ENTPD3: variants seen among roughly 807,000 people sequenced by gnomAD.
The protein encoded by ENTPD3 is ectonucleoside triphosphate diphosphohydrolase 3.
A neutral mutation model predicts 51.2 loss-of-function variants in ENTPD3; 60 were observed. The observed-to-expected ratio is 1.17, with a 90% CI of 0.95 to 1.45. The LOEUF (loss-of-function observed/expected upper bound fraction) is 1.45. Among genes scored for constraint, ENTPD3 ranks in the 40% most tolerant of loss-of-function variants. ENTPD3 has a pLI of 0.00. For missense variants in ENTPD3, 593 were observed against 641.1 expected (o/e 0.93, Z 0.81); for synonymous variants, 221 against 238.4 (o/e 0.93, Z 0.67).
Position 40,423,291 on chromosome 3 carries a change from G to A in ENTPD3, c.1105G>A (p.Ala369Thr). 6.2e-7 allele frequency: 1 copy of A among 1,611,918 alleles called. No individual in the cohort carries two copies. The highest frequency in any genetic ancestry group is 8.5e-7 in the Non-Finnish European group (1 of 1,178,510). Residue 369 changes from alanine to threonine, a missense_variant and splice_region_variant, in exon 9 of 11, where the codon GCT (alanine) becomes ACT (threonine). Coordinates refer to ENST00000301825, the MANE Select transcript of ENTPD3 (RefSeq NM_001248.4). ...YQPKIKGPFV[A>T]FAGFYYTASA... ...TTTCTTCTGTATTACTTATTTCCAG[G>A]CTTTTGCAGGATTCTACTACACAGC...
chr3:40,408,098 T>C (rs1422919706), intron 4 of ENTPD3, among the ~76,000 whole-genome samples: 2 of 152,058 alleles, frequency 1.3e-5, no homozygotes, highest in East Asian at 3.9e-4. Flanking sequence ...AATAAATAAA[T>C]GGCAAGATAA....
intron 4 of ENTPD3, among the ~76,000 whole-genome samples, chr3:40,408,705 T>C (rs1282131079): frequency 2.6e-5 from 4 of 152,294 alleles, no homozygotes; most frequent in Non-Finnish European, 5.9e-5. Flanking sequence ...CAAAATAATA[T>C]ATTTTCATTG....
intron 4 of ENTPD3, among the ~76,000 whole-genome samples, chr3:40,408,546 T>C (rs914149892): frequency 5.9e-5 from 9 of 152,256 alleles, no homozygotes; most frequent in Non-Finnish European, 1.2e-4. Context: ...ATGTTCAGCA[T>C]AGTTTTGTTG....
chr3:40,402,123 C>CTTTTTTT (rs58000344), intron 4 of ENTPD3, among the ~76,000 whole-genome samples: 47,531 of 94,722 alleles, frequency 0.5, 15,996 homozygotes, highest in Non-Finnish European at 0.62. Context: ...TTTTTTTTTT[C>CTTTTTTT]TTTTTTTTTT....
chr3:40,409,833 A>T (rs1482827047), intron 4 of ENTPD3, among the ~76,000 whole-genome samples: 2 of 152,188 alleles, frequency 1.3e-5, no homozygotes, highest in African/African-American at 4.8e-5. Context: ...AAGAATATTT[A>T]TATACTGCTA....
In ENTPD3 at chr3:40,392,165, A is replaced by C; in HGVS notation, c.168+15A>C. On this transcript the variant is annotated intron_variant, in intron 3 of 10. Coordinates refer to ENST00000301825, the MANE Select transcript of ENTPD3 (RefSeq NM_001248.4). ...CAGGACTGAAGGTAAGTGTGAAGGG[A>C]CTGGCAACAAAGGGAAGAAATGAGC... 1 of 1,612,520 alleles carries C rather than the reference A, an allele frequency of 6.2e-7. No individual in the cohort carries two copies. The highest frequency in any genetic ancestry group is 8.5e-7 in the Non-Finnish European group (1 of 1,179,034).
intron 2 of ENTPD3, among the ~76,000 whole-genome samples, chr3:40,388,755 G>A (rs1486700327): frequency 2.0e-5 from 3 of 152,196 alleles, no homozygotes; most frequent in Non-Finnish European, 4.4e-5. Flanking sequence ...CCTAATGACA[G>A]CACAGCTCTA....
intron 4 of ENTPD3, among the ~76,000 whole-genome samples, chr3:40,401,500 T>C (rs962491712): frequency 6.6e-6 from 1 of 152,230 alleles, no homozygotes; most frequent in African/African-American, 2.4e-5. Context: ...GAAGCATTTA[T>C]AATGGGCAGT....
Position 40,415,903 on chromosome 3 carries a change from G to T in ENTPD3, c.661G>T (p.Gly221Cys), listed in dbSNP as rs988144742. The T allele has an allele frequency of 6.2e-7, 1 of 1,614,144 alleles. No homozygotes were observed. The highest frequency in any genetic ancestry group is 1.3e-5 in the African/African-American group (1 of 75,050). The change falls in exon 7 of 11, where the codon GGT becomes TGT. Residue 221 changes from glycine (G) to cysteine (C), a missense_variant. By Grantham distance (159) the Gly-to-Cys change is radical. Coordinates refer to ENST00000301825, the MANE Select transcript of ENTPD3 (RefSeq NM_001248.4). ...GVETTGALDL[G>C]GASTQISFVA... is the part of the protein sequence containing the mutation. ...GGAAACCACGGGTGCCCTGGACTTAGGTGGTGCCTCCACCCAAATATCCTT... is the reference window on the plus strand; with the variant it reads ...GGAAACCACGGGTGCCCTGGACTTATGTGGTGCCTCCACCCAAATATCCTT...
At chr3:40,413,604 C>A (rs755303104) in intron 5 of ENTPD3, among the ~76,000 whole-genome samples, 1 of 152,092 alleles carries the variant, frequency 6.6e-6, no homozygotes, top group Non-Finnish European at 1.5e-5. Flanking sequence ...GGTTGCTTCC[C>A]CTCCCTCCCC....
rs781073127 is a variant in ENTPD3 at position 40,423,891 on chromosome 3, C to T, written c.1281C>T (p.Tyr427=). The T allele has an allele frequency of 1.9e-6, 3 of 1,614,170 alleles. No individual in the cohort carries two copies. The highest frequency in any genetic ancestry group is 2.5e-6 in the Non-Finnish European group (3 of 1,180,026). The part of the protein sequence containing the change: ...YARSYCFSAN[Y]IYHLFVNGYK... The stretch of plus-strand genomic sequence containing the variant: ...GCTCTTACTGCTTCTCAGCCAACTA[C>T]ATCTACCACTTGTTTGTGAACGGTT... The change falls in exon 10 of 11, where the codon TAC becomes TAT. Residue 427 remains tyrosine (Y), a synonymous_variant. Coordinates refer to ENST00000301825, the MANE Select transcript of ENTPD3 (RefSeq NM_001248.4).
intron 3 of ENTPD3, chr3:40,394,312 G>A (rs1202308722): frequency 3.0e-6 from 1 of 330,376 alleles, no homozygotes; most frequent in South Asian, 2.3e-5. Context: ...AGTACAGATA[G>A]GGTTTCACCG....
intron 2 of ENTPD3, among the ~76,000 whole-genome samples, chr3:40,390,671 T>C (rs1009295377): frequency 9.2e-5 from 14 of 151,876 alleles, no homozygotes; most frequent in African/African-American, 3.4e-4. Flanking sequence ...GTTTATAATG[T>C]TTTTTTAAAA....
At chr3:40,403,779 A>G (rs766012656) in intron 4 of ENTPD3, among the ~76,000 whole-genome samples, 7 of 151,392 alleles carry the variant, frequency 4.6e-5, no homozygotes, top group Admixed American at 4.6e-4. Context: ...CAGCCTCCTG[A>G]GTAGCTGGGA....
chr3:40,415,938 A>C lies in ENTPD3; in HGVS notation c.696A>C (p.Gly232=). Residue 232 remains glycine, a synonymous_variant, in exon 7 of 11, where the codon GGA becomes GGC. Coordinates refer to ENST00000301825, the MANE Select transcript of ENTPD3 (RefSeq NM_001248.4). ...CCACCCAAATATCCTTCGTGGCAGG[A>C]GAGAAGATGGATCTGAACACCAGCG... is the stretch of plus-strand genomic sequence containing the variant. ...GASTQISFVA[G]EKMDLNTSDI... The C allele has an allele frequency of 6.2e-7, 1 of 1,614,122 alleles. No homozygotes were observed. Among genetic ancestry groups the C allele is most frequent in the Non-Finnish European group, 8.5e-7 (1 of 1,179,998 alleles).
At chr3:40,391,746 C>A in intron 2 of ENTPD3, 10 of 447,526 alleles carry the variant, frequency 2.2e-5, no homozygotes, top group South Asian at 8.1e-5. Context: ...TCAGGGATAA[C>A]CAAAATATCA....
intron 2 of ENTPD3, among the ~76,000 whole-genome samples, chr3:40,390,734 G>A (rs1391829422): frequency 2.6e-5 from 4 of 152,060 alleles, no homozygotes; most frequent in Non-Finnish European, 5.9e-5. Context: ...TTTCTCCAAA[G>A]GACTTTGAAA....
chr3:40,417,746 T>A (rs1434684500), intron 7 of ENTPD3, among the ~76,000 whole-genome samples: 1 of 152,188 alleles, frequency 6.6e-6, no homozygotes, highest in East Asian at 1.9e-4. Flanking sequence ...TCAACCAACA[T>A]GCTTCTTTCT....
At chr3:40,399,818 A>C (rs1319812947) in intron 3 of ENTPD3, among the ~76,000 whole-genome samples, 1 of 152,196 alleles carries the variant, frequency 6.6e-6, no homozygotes, top group Admixed American at 6.5e-5. Flanking sequence ...TCTCCTGCAC[A>C]CAGCCAGCCC....
Sources: allele counts gnomAD v4.1 joint callset (sites outside exome capture counted in the v4.1 genomes callset), GRCh38; gene constraint gnomAD v4.1.1; transcripts MANE v1.5; gene names NCBI Gene and HGNC (gene_info 2026-07-23, HGNC 2026-07-21).